TNRC6C: variants seen among roughly 807,000 people sequenced by gnomAD.
TNRC6C encodes the protein trinucleotide repeat-containing gene 6C protein.
TNRC6C carries 20 observed loss-of-function variants against 153.7 expected under a neutral mutation model. The observed-to-expected ratio is 0.13, with a 90% CI of 0.09 to 0.19. TNRC6C has a LOEUF of 0.19. Ranked by LOEUF, TNRC6C falls within the 10% of genes least tolerant of loss-of-function variation. The pLI, the probability that TNRC6C is intolerant of heterozygous loss-of-function variation, is 1.00. For synonymous variants in TNRC6C, 811 were observed against 841.4 expected (o/e 0.96, Z 0.63); for missense variants, 1,987 against 2,172.0 (o/e 0.91, Z 1.69).
chr17:78,040,517 G>A (rs1337741363), intron 2 of TNRC6C, among the ~76,000 whole-genome samples: 1 of 152,136 alleles, frequency 6.6e-6, no homozygotes, highest in Admixed American at 6.5e-5. Flanking sequence ...TACATATGGG[G>A]CTCATTTAGA....
intron 11 of TNRC6C, among the ~76,000 whole-genome samples, chr17:78,084,621 C>CTTTTTT (rs888498648): frequency 1.6e-4 from 22 of 134,186 alleles, no homozygotes; most frequent in South Asian, 4.8e-4. Flanking sequence ...TTTTCTTTTT[C>CTTTTTT]TTTTTTTTTT....
At chr17:78,086,907 C>G in exon 13 of TNRC6C, 1 of 1,612,538 alleles carries the variant, frequency 6.2e-7, no homozygotes, top group Non-Finnish European at 8.5e-7. Flanking sequence ...CCAGCGCCAG[C>G]TGGCCCAGGC....
intron 2 of TNRC6C, among the ~76,000 whole-genome samples, chr17:78,044,914 A>G (rs1448180917): frequency 6.6e-6 from 1 of 152,208 alleles, no homozygotes; most frequent in East Asian, 1.9e-4. Context: ...TTAAATGTCC[A>G]TGGATTTGAG....
intron 2 of TNRC6C, among the ~76,000 whole-genome samples, chr17:78,041,901 G>T (rs2072304080): frequency 6.6e-6 from 1 of 152,198 alleles, no homozygotes; most frequent in South Asian, 2.1e-4. Context: ...CTATTTGTCA[G>T]TGTTAGTACC....
intron 9 of TNRC6C, among the ~76,000 whole-genome samples, chr17:78,078,641 C>G (rs1389429774): frequency 1.3e-5 from 2 of 152,108 alleles, no homozygotes; most frequent in African/African-American, 2.4e-5. Flanking sequence ...AATGGGGTAG[C>G]CTTCTTGTTG....
At chr17:78,067,977 A>C in intron 5 of TNRC6C, 54 bp downstream of exon 7, 2 of 1,540,806 alleles carry the variant, frequency 1.3e-6, no homozygotes, top group Non-Finnish European at 1.7e-6. Flanking sequence ...GGTACTTCAG[A>C]CACATTCAGT....
At chr17:78,091,326 C>CAAAA (rs60735984) in intron 13 of TNRC6C, 114 bp from the exon 16 acceptor site, 25 of 1,051,090 alleles carry the variant, frequency 2.4e-5, no homozygotes, top group Non-Finnish European at 2.7e-5. Flanking sequence ...GACTCCGTCT[C>CAAAA]AAAAAAAAAA....
intron 16 of TNRC6C, 91 bp downstream of exon 18, chr17:78,093,854 G>C (rs1254785584): frequency 6.5e-7 from 1 of 1,536,932 alleles, no homozygotes; most frequent in Non-Finnish European, 8.8e-7. Flanking sequence ...TGTGAGGCAG[G>C]GATGATACAA....
At chr17:77,998,802 A>C (rs981639929) in intron 1 of TNRC6C, among the ~76,000 whole-genome samples, 2 of 152,234 alleles carry the variant, frequency 1.3e-5, no homozygotes, top group African/African-American at 4.8e-5. Flanking sequence ...AGTTGGCCAC[A>C]TAGTCTGGTT....
upstream of TNRC6C, among the ~76,000 whole-genome samples, chr17:78,001,918 A>G (rs765966183): frequency 2.6e-5 from 4 of 152,208 alleles, no homozygotes; most frequent in South Asian, 2.1e-4. Flanking sequence ...TATGTTGATC[A>G]TGTATATTTA....
At chr17:78,065,655 G>A (rs1422754817) in intron 4 of TNRC6C, among the ~76,000 whole-genome samples, 2 of 152,102 alleles carry the variant, frequency 1.3e-5, no homozygotes, top group Non-Finnish European at 2.9e-5. Context: ...GCAGCCTAAC[G>A]CATCTTGCCG....
Position 78,075,500 on chromosome 17 carries a change from A to G in TNRC6C, c.3060+222A>G. On this transcript the variant is annotated intron_variant, in intron 8 of 19. Transcript: ENST00000301624. The surrounding 1 kb of genome is among the most constrained non-coding windows in gnomAD (Gnocchi z 4.2). ...TGAAAAAGACTGGGATTGAAAACTG[A>G]TTTTCATATTTATTGTGTGAACTTG... The G allele has an allele frequency of 1.7e-6, 1 of 575,466 alleles. No homozygotes were observed. Among genetic ancestry groups the G allele is most frequent in the Non-Finnish European group, 2.9e-6 (1 of 341,626 alleles). 35.6% of individuals were successfully genotyped at this position (575,466 alleles called of 1,614,324 possible).
At chr17:78,029,161 ATC>A (rs2072007101) in intron 1 of TNRC6C, among the ~76,000 whole-genome samples, 1 of 152,196 alleles carries the variant, frequency 6.6e-6, no homozygotes, top group Non-Finnish European at 1.5e-5. Flanking sequence ...TTCCCAGTAA[ATC>A]TGGCAGAGTG....
rs771905752 is a variant in TNRC6C at position 78,093,738 on chromosome 17, C to G, written c.4281C>G (p.Val1427=). 3.7e-6 allele frequency: 6 copies of G among 1,613,876 alleles called. No individual in the cohort carries two copies. The African/African-American group carries it at 8.0e-5, about 22-fold the overall frequency. Residue 1427 remains valine, a synonymous_variant, in exon 16 of 20, where the codon GTC becomes GTG. Coordinates refer to ENST00000301624, the Ensembl canonical transcript of TNRC6C. ...CCATCAACACCACCATCCAGGATGT[C>G]AACCGCTACCTCCTCAAGAGTGGAG...
chr17:77,959,499 C>A (rs1475659506), intron 1 of TNRC6C, among the ~76,000 whole-genome samples: 1 of 152,136 alleles, frequency 6.6e-6, no homozygotes, highest in East Asian at 1.9e-4. Context: ...GTGTGCATCA[C>A]AATCAAACGG....
chr17:78,060,568 G>T (rs1424229009), intron 3 of TNRC6C, among the ~76,000 whole-genome samples: 1 of 150,930 alleles, frequency 6.6e-6, no homozygotes, highest in Non-Finnish European at 1.5e-5. Flanking sequence ...TGCCTCCCAG[G>T]GTCAAGCAAT....
At chr17:77,962,483 A>G (rs147895368) in intron 1 of TNRC6C, among the ~76,000 whole-genome samples, 13 of 152,212 alleles carry the variant, frequency 8.5e-5, no homozygotes, top group African/African-American at 2.7e-4. Context: ...TAGAGCAAGC[A>G]AAGATTACCA....
chr17:77,977,418 G>A (rs1234970804), intron 1 of TNRC6C, among the ~76,000 whole-genome samples: 1 of 152,120 alleles, frequency 6.6e-6, no homozygotes, highest in African/African-American at 2.4e-5. Context: ...CTAATCTCCA[G>A]TAGTTAAAGC....
At chr17:78,016,355 G>A (rs569047214) in intron 1 of TNRC6C, among the ~76,000 whole-genome samples, 44 of 152,346 alleles carry the variant, frequency 2.9e-4, no homozygotes, top group Middle Eastern at 6.8e-3. Flanking sequence ...ACATGTAACT[G>A]GGGGAACCAG....
Sources: gnomAD v4.1 joint callset for allele counts (sites outside exome capture counted in the v4.1 genomes callset) on GRCh38, gnomAD v4.1.1 for gene constraint, Gnocchi (gnomAD v3.1) non-coding constraint, MANE v1.5 for transcripts, NCBI Gene and HGNC (gene_info 2026-07-23, HGNC 2026-07-21) for gene names.